Variants in BUD31 observed in about 807,000 individuals in gnomAD.
BUD31 encodes BUD31 spliceosome associated protein.
Under a neutral mutation model 17.9 loss-of-function variants are expected in BUD31, and 9 were observed. The observed-to-expected ratio is 0.50, with a 90% CI of 0.30 to 0.88. The LOEUF (loss-of-function observed/expected upper bound fraction) is 0.88, where lower values mean the gene tolerates loss of function less well. BUD31 is among the 40% of genes least tolerant of loss of function. The probability of loss-of-function intolerance (pLI) is 0.06; values close to 1 mark genes in which losing one functional copy is unlikely to be tolerated. For missense variants in BUD31, 148 were observed against 184.5 expected (o/e 0.80, Z 1.15); for synonymous variants, 70 against 64.7 (o/e 1.08, Z -0.39).
chr7:99,415,370 G>T (rs1232684618), intron 3 of BUD31: 1 of 425,920 alleles, frequency 2.3e-6, no homozygotes, highest in Non-Finnish European at 4.6e-6. Flanking sequence ...CTGCTTATCA[G>T]AGACTTTTAG....
intron 3 of BUD31, among the ~76,000 whole-genome samples, chr7:99,413,589 GTTTGT>G (rs953213670): frequency 3.3e-4 from 50 of 151,820 alleles, no homozygotes; most frequent in Admixed American, 5.2e-4. Context: ...GCTTTTTTTT[GTTTGT>G]TTTGTTTTGT....
At chr7:99,414,370 C>G (rs1795304309) in intron 3 of BUD31, among the ~76,000 whole-genome samples, 1 of 152,092 alleles carries the variant, frequency 6.6e-6, no homozygotes, top group African/African-American at 2.4e-5. Flanking sequence ...GATCTCCTGA[C>G]CTCGTGGTCC....
At chr7:99,416,812 C>T (rs1387244672) in intron 4 of BUD31, 2 of 153,802 alleles carry the variant, frequency 1.3e-5, no homozygotes, top group Non-Finnish European at 2.8e-5. Context: ...CCTCAACCTT[C>T]TGGGCTCAAG....
Position 99,416,163 on chromosome 7 carries a change from G to A in BUD31, c.120G>A (p.Lys40=), listed in dbSNP as rs749974469. ...CTGAAACAGAACCGCATGAGGGAAA[G>A]AGGAAAGTGGAATCTCTGTGGCCCA... is the stretch of plus-strand genomic sequence containing the variant. ...REAETEPHEG[K]RKVESLWPIF... The change falls in exon 4 of 6, where the codon AAG becomes AAA. Residue 40 remains lysine (K), a synonymous_variant. Coordinates refer to ENST00000222969, the MANE Select transcript of BUD31 (RefSeq NM_003910.4). 6.2e-7 allele frequency: 1 copy of A among 1,613,958 alleles called. No homozygotes were observed. Among genetic ancestry groups the A allele is most frequent in the Non-Finnish European group, 8.5e-7 (1 of 1,179,870 alleles).
intron 3 of BUD31, 62 bp from the exon 4 acceptor site, chr7:99,416,076 A>G: frequency 6.3e-7 from 1 of 1,588,136 alleles, no homozygotes; most frequent in Non-Finnish European, 8.6e-7. Flanking sequence ...AGTTACTTAC[A>G]AAAAGAAAAT....
At position 99,419,422 on chromosome 7, in the gene BUD31, G is replaced by T; in HGVS notation, c.416G>T (p.Cys139Phe). ...ATCATCGAGTGCACACACTGTGGCT[G>T]TCGTGGCTGCTCTGGCTGAGGCTGG... is the stretch of plus-strand genomic sequence containing the variant. ...GRIIECTHCG[C>F]RGCSG The change falls in exon 6 of 6, where the codon TGT (cysteine) becomes TTT (phenylalanine). Residue 139 changes from cysteine to phenylalanine, a missense_variant. Physicochemically the swap from Cys to Phe is radical, Grantham distance 205. Transcript: ENST00000222969. The T allele has an allele frequency of 6.2e-7, 1 of 1,612,976 alleles. No individual in the cohort carries two copies. Among genetic ancestry groups the T allele is most frequent in the Non-Finnish European group, 8.5e-7 (1 of 1,180,020 alleles).
intron 3 of BUD31, 136 bp downstream of exon 3, chr7:99,411,322 C>G: frequency 1.6e-6 from 1 of 634,212 alleles, no homozygotes; most frequent in East Asian, 2.9e-5. Context: ...TGCTTATGAA[C>G]TTGGGGAAAT....
intron 3 of BUD31, among the ~76,000 whole-genome samples, chr7:99,415,620 G>T (rs1305313788): frequency 6.6e-6 from 1 of 151,718 alleles, no homozygotes; most frequent in East Asian, 1.9e-4. Context: ...GCTAAGTAGC[G>T]GGTGTTTTTC....
intron 5 of BUD31, 78 bp from the exon 6 acceptor site, chr7:99,419,313 G>T: frequency 6.5e-7 from 1 of 1,542,114 alleles, no homozygotes; most frequent in South Asian, 1.1e-5. Flanking sequence ...GTCCTTCGTG[G>T]GAGGGTTGCC....
At chr7:99,415,797 A>G (rs1203431641) in intron 3 of BUD31, among the ~76,000 whole-genome samples, 1 of 152,094 alleles carries the variant, frequency 6.6e-6, no homozygotes, top group Non-Finnish European at 1.5e-5. Context: ...CTCAGCTCCC[A>G]TCTCTGTATA....
intron 3 of BUD31, among the ~76,000 whole-genome samples, chr7:99,411,524 C>T (rs1457140244): frequency 1.3e-5 from 2 of 152,028 alleles, no homozygotes; most frequent in Non-Finnish European, 2.9e-5. Flanking sequence ...CTTGGAAGTG[C>T]TATTCCTTTT....
chr7:99,416,215 C>T lies in BUD31; in HGVS notation c.172C>T (p.Arg58Cys), dbSNP rs372043703. 11 of 1,613,880 alleles carry T rather than the reference C, an allele frequency of 6.8e-6. No individual in the cohort carries two copies. The highest frequency in any genetic ancestry group is 2.2e-5 in the East Asian group (1 of 44,890). ...CTTCAGGATCCACCACCAGAAAACC[C>T]GCTACATCTTCGACCTCTTTTACAA... ...PIFRIHHQKT[R>C]YIFDLFYKRK... Residue 58 changes from arginine (R) to cysteine (C), a missense_variant, in exon 4 of 6, where the codon CGC (arginine) becomes TGC (cysteine). Arg to Cys is a radical substitution (Grantham distance 180). Coordinates refer to ENST00000222969, the MANE Select transcript of BUD31 (RefSeq NM_003910.4).
chr7:99,418,298 C>G (rs1447266915), intron 5 of BUD31: 3 of 162,982 alleles, frequency 1.8e-5, no homozygotes, highest in South Asian at 1.6e-4. Flanking sequence ...ACTTTCTGTT[C>G]CAAGTACCAC....
In BUD31 at chr7:99,417,597, TA is replaced by T; in HGVS notation, c.384+4del. The stretch of plus-strand genomic sequence containing the variant: ...GTGCCCAAAAGCAAGCTGGAAGTGG[TA>T]ATGTCTGACACTCAAGCTTGGTGTT... On this transcript the variant is annotated splice_donor_region_variant and intron_variant, in intron 5 of 5. Transcript: ENST00000222969. 1 of 1,611,018 alleles carries T rather than the reference TA, an allele frequency of 6.2e-7. No individual in the cohort carries two copies. Among genetic ancestry groups the T allele is most frequent in the South Asian group, 1.1e-5 (1 of 91,062 alleles).
chr7:99,412,444 T>C (rs1795227311), intron 3 of BUD31, among the ~76,000 whole-genome samples: 1 of 152,140 alleles, frequency 6.6e-6, no homozygotes, highest in Non-Finnish European at 1.5e-5. Context: ...TTGTTTTTGT[T>C]TTGAGACAAG....
chr7:99,416,416 T>C, intron 4 of BUD31, 156 bp downstream of exon 4: 2 of 921,042 alleles, frequency 2.2e-6, no homozygotes, highest in Non-Finnish European at 3.1e-6. Flanking sequence ...GTGTGTGTGT[T>C]TGTTTTTTGT....
In BUD31 at chr7:99,417,574, G is replaced by A. The variant is rs763852555; in HGVS notation, c.363G>A (p.Val121=). 5 of 1,612,730 alleles carry A rather than the reference G, an allele frequency of 3.1e-6. No individual in the cohort carries two copies. The Admixed American group carries it at 6.7e-5, about 21-fold the overall frequency. Reference sequence around the variant, plus strand: ...TCGGGACGAACTGCATCTGCCGCGTGCCCAAAAGCAAGCTGGAAGTGGTAA... The same window carrying A: ...TCGGGACGAACTGCATCTGCCGCGTACCCAAAAGCAAGCTGGAAGTGGTAA... ...TNFGTNCICR[V]PKSKLEVGRI... Residue 121 remains valine (V), a synonymous_variant, in exon 5 of 6, where the codon GTG becomes GTA. Coordinates refer to ENST00000222969, the MANE Select transcript of BUD31 (RefSeq NM_003910.4).
At chr7:99,411,243 G>GC (rs1385994388) in intron 3 of BUD31, 57 bp downstream of exon 3, 1 of 1,306,924 alleles carries the variant, frequency 7.7e-7, no homozygotes, top group Non-Finnish European at 1.1e-6. Context: ...AGGCTTAGAT[G>GC]CCCCCAGGGG....
chr7:99,419,053 G>C (rs1477845818), intron 5 of BUD31: 2 of 317,200 alleles, frequency 6.3e-6, no homozygotes, highest in East Asian at 1.6e-4. Flanking sequence ...AACAGTAGCA[G>C]AGCCACGTCT....
Sources: allele counts gnomAD v4.1 joint callset (sites outside exome capture counted in the v4.1 genomes callset), GRCh38; gene constraint gnomAD v4.1.1; transcripts MANE v1.5; gene names NCBI Gene and HGNC (gene_info 2026-07-23, HGNC 2026-07-21).